WDFY1: variants seen among roughly 807,000 people sequenced by gnomAD.
The protein encoded by WDFY1 is WD repeat and FYVE domain-containing protein 1.
In WDFY1, 32 loss-of-function variants were observed where a neutral mutation model predicts 56.4. The observed-to-expected ratio is 0.57, with a 90% CI of 0.43 to 0.76. The LOEUF (loss-of-function observed/expected upper bound fraction) is 0.76. WDFY1 is among the 30% of genes least tolerant of loss of function. WDFY1 has a pLI of 0.00. For missense variants in WDFY1, 480 were observed against 545.7 expected, an observed-to-expected ratio of 0.88 and a Z score of 1.20; for synonymous variants, 192 against 197.3, an observed-to-expected ratio of 0.97 and a Z score of 0.23.
At chr2:223,942,510 G>A (rs1251328890) in intron 1 of WDFY1, among the ~76,000 whole-genome samples, 11 of 139,084 alleles carry the variant, frequency 7.9e-5, no homozygotes, top group South Asian at 6.9e-4. Flanking sequence ...GAGCCACTGC[G>A]CCTGGCCAAA....
At chr2:223,902,686 A>G (rs1693524927) in intron 4 of WDFY1, among the ~76,000 whole-genome samples, 1 of 151,970 alleles carries the variant, frequency 6.6e-6, no homozygotes, top group South Asian at 2.1e-4. Context: ...ATGATATTTA[A>G]TTTCCATAAA....
intron 1 of WDFY1, among the ~76,000 whole-genome samples, chr2:223,932,357 T>G (rs955514229): frequency 3.4e-5 from 5 of 148,636 alleles, no homozygotes; most frequent in Admixed American, 1.3e-4. Context: ...CTCCTGACAT[T>G]GTGATTCGCC....
rs79210755 is a variant in WDFY1, at chr2:223,926,602, T to C, written c.138-8592A>G. Among the ~76,000 whole-genome samples, 528 of 152,190 alleles carry C rather than the reference T, an allele frequency of 3.5e-3. 4 individuals carry two copies. The highest frequency in any genetic ancestry group is 0.012 in the African/African-American group (499 of 41,496). ...TGCATTTTCAATAAGCAAATATACA[T>C]ACATTTACATATATATGTGTGTGTA... On this transcript the variant is annotated intron_variant, in intron 1 of 11. Transcript: ENST00000233055.
At chr2:223,910,571 T>C (rs895262677) in intron 3 of WDFY1, among the ~76,000 whole-genome samples, 11 of 151,866 alleles carry the variant, frequency 7.2e-5, no homozygotes, top group South Asian at 2.1e-4. Flanking sequence ...TAAAAAATAC[T>C]CTATTAAAAA....
intron 3 of WDFY1, among the ~76,000 whole-genome samples, chr2:223,907,561 T>G (rs553585981): frequency 3.0e-4 from 45 of 152,308 alleles, no homozygotes; most frequent in Middle Eastern, 3.4e-3. Context: ...AGTCTCCCCT[T>G]GAACTGAAGG....
intron 8 of WDFY1, among the ~76,000 whole-genome samples, chr2:223,893,569 G>C (rs898710056): frequency 6.6e-6 from 1 of 151,830 alleles, no homozygotes; most frequent in Non-Finnish European, 1.5e-5. Flanking sequence ...TAGACAATTA[G>C]ACTGTCTGTC....
intron 1 of WDFY1, among the ~76,000 whole-genome samples, chr2:223,925,531 T>C (rs1266321295): frequency 2.0e-5 from 3 of 152,228 alleles, no homozygotes; most frequent in Non-Finnish European, 4.4e-5. Context: ...ATCAGGATGG[T>C]TGTTGATGAA....
chr2:223,940,136 C>T (rs377754452), intron 1 of WDFY1, among the ~76,000 whole-genome samples: 30 of 152,106 alleles, frequency 2.0e-4, no homozygotes, highest in African/African-American at 7.2e-4. Context: ...CTGGCCAAGA[C>T]GGTGAAACCC....
At chr2:223,934,897 C>A in intron 1 of WDFY1, among the ~76,000 whole-genome samples, 1 of 152,030 alleles carries the variant, frequency 6.6e-6, no homozygotes, top group African/African-American at 2.4e-5. Context: ...GCTATGAGGA[C>A]AGAAAAAGGG....
chr2:223,895,674 A>G, intron 6 of WDFY1, 44 bp from the exon 7 acceptor site: 1 of 1,607,124 alleles, frequency 6.2e-7, no homozygotes, highest in Non-Finnish European at 8.5e-7. Flanking sequence ...GCAGGGGAGA[A>G]GTAAAATATA....
rs143915565 is a variant in WDFY1 at position 223,937,665 on chromosome 2, A to G, written c.137+7483T>C. ...TTCTGGCTCCCAAGCCTTTGTTCTTAACTATGCTATAAAAAGAAAATGATT... is the reference window on the plus strand; with the variant it reads ...TTCTGGCTCCCAAGCCTTTGTTCTTGACTATGCTATAAAAAGAAAATGATT... On this transcript the variant is annotated intron_variant, in intron 1 of 11. Coordinates refer to ENST00000233055, the MANE Select transcript of WDFY1 (RefSeq NM_020830.5). Among the ~76,000 whole-genome samples the G allele has an allele frequency of 2.4e-3, 359 of 152,360 alleles. 3 individuals are homozygous for G. The highest frequency in any genetic ancestry group is 8.2e-3 in the African/African-American group (340 of 41,584).
At chr2:223,931,318 G>T (rs939427716) in intron 1 of WDFY1, among the ~76,000 whole-genome samples, 9 of 152,110 alleles carry the variant, frequency 5.9e-5, no homozygotes, top group Admixed American at 6.5e-5. Flanking sequence ...TGTCTACCAA[G>T]GATAAAACTT....
At position 223,931,821 on chromosome 2, in the gene WDFY1, G is replaced by A. The variant is rs566395228; in HGVS notation, c.137+13327C>T. 9.9e-5 allele frequency among the ~76,000 whole-genome samples: 15 copies of A among 152,132 alleles called. No homozygotes were observed. In the East Asian group the frequency reaches 2.7e-3, roughly 28 times the overall value. ...TTGCCTCAGCTTCCCAAGTAGCTGGGACTACAGGCATGCACTACCACACCC... is the reference window on the plus strand; with the variant it reads ...TTGCCTCAGCTTCCCAAGTAGCTGGAACTACAGGCATGCACTACCACACCC... On this transcript the variant is annotated intron_variant, in intron 1 of 11. Coordinates refer to ENST00000233055, the MANE Select transcript of WDFY1 (RefSeq NM_020830.5).
At chr2:223,945,009 C>G in intron 1 of WDFY1, 139 bp downstream of exon 1, 1 of 1,021,856 alleles carries the variant, frequency 9.8e-7, no homozygotes, top group Non-Finnish European at 1.3e-6. Flanking sequence ...CCCGGCGGAG[C>G]TAAGGGGCGC....
At chr2:223,880,280 A>C in intron 10 of WDFY1, 48 bp from the exon 11 acceptor site, 3 of 1,559,634 alleles carry the variant, frequency 1.9e-6, no homozygotes, top group Non-Finnish European at 2.7e-6. Flanking sequence ...CTGTACCTAG[A>C]GCTAGTGGGG....
At chr2:223,920,563 T>G (rs1326271514) in intron 1 of WDFY1, among the ~76,000 whole-genome samples, 1 of 152,266 alleles carries the variant, frequency 6.6e-6, no homozygotes, top group Non-Finnish European at 1.5e-5. Context: ...CAGCTGTATG[T>G]AACCTCCAGA....
rs146340023 is a variant in WDFY1 at position 223,906,534 on chromosome 2, TTTTATTTA to T, written c.280-541_280-534del. On this transcript the variant is annotated intron_variant, in intron 3 of 11. Coordinates refer to ENST00000233055, the MANE Select transcript of WDFY1 (RefSeq NM_020830.5). Reference sequence around the variant, plus strand: ...TTTTTATGATCCCATATTTTCCAAATTTTATTTATTTATTTATTTATTTAGAGACAGAG... The same window carrying T: ...TTTTTATGATCCCATATTTTCCAAATTTTATTTATTTATTTAGAGACAGAG... Among the ~76,000 whole-genome samples the T allele has an allele frequency of 6.2e-3, 949 of 152,202 alleles. 15 individuals carry two copies. The highest frequency in any genetic ancestry group is 0.022 in the African/African-American group (918 of 41,526).
At chr2:223,940,982 C>T (rs575773116) in intron 1 of WDFY1, among the ~76,000 whole-genome samples, 2 of 152,152 alleles carry the variant, frequency 1.3e-5, no homozygotes, top group Non-Finnish European at 2.9e-5. Flanking sequence ...GCCACCACGC[C>T]CAGCTAATTT....
intron 8 of WDFY1, among the ~76,000 whole-genome samples, chr2:223,887,215 T>C (rs1237288487): frequency 6.6e-6 from 1 of 152,216 alleles, no homozygotes; most frequent in African/African-American, 2.4e-5. Context: ...CTGGGGACAC[T>C]GTCCCTAAGA....
Sources: gnomAD v4.1 joint callset for allele counts (sites outside exome capture counted in the v4.1 genomes callset) on GRCh38, gnomAD v4.1.1 for gene constraint, MANE v1.5 for transcripts, NCBI Gene and HGNC (gene_info 2026-07-23, HGNC 2026-07-21) for gene names.